Variants in SNTG2 observed in about 807,000 individuals in gnomAD.
The protein encoded by SNTG2 is syntrophin gamma 2.
SNTG2 carries 74 observed loss-of-function variants against 70.9 expected under a neutral mutation model. That is an observed-to-expected ratio of 1.04 (90% CI 0.86 to 1.27). The LOEUF (loss-of-function observed/expected upper bound fraction) is 1.27. Among genes scored for constraint, SNTG2 ranks in the 50% most tolerant of loss-of-function variants. The pLI is 0.00. For missense variants in SNTG2, 717 were observed against 690.7 expected (o/e 1.04, Z -0.43); for synonymous variants, 278 against 273.8 (o/e 1.02, Z -0.15).
intron 2 of SNTG2, among the ~76,000 whole-genome samples, chr2:1,090,742 A>C (rs1317796350): frequency 6.6e-6 from 1 of 152,096 alleles, no homozygotes; most frequent in South Asian, 2.1e-4. Flanking sequence ...GGCCGCATGC[A>C]CTGTGTGTTT....
intron 9 of SNTG2, among the ~76,000 whole-genome samples, chr2:1,215,852 G>C (rs1674356330): frequency 6.6e-6 from 1 of 151,972 alleles, no homozygotes; most frequent in South Asian, 2.1e-4. Context: ...ATGGTTTCCA[G>C]CTTCATCCAT....
At chr2:1,313,198 C>T (rs1681094198) in intron 15 of SNTG2, among the ~76,000 whole-genome samples, 1 of 152,298 alleles carries the variant, frequency 6.6e-6, no homozygotes, top group Middle Eastern at 3.4e-3. Flanking sequence ...AACCTGAAAC[C>T]ATCACAGTAA....
intron 1 of SNTG2, among the ~76,000 whole-genome samples, chr2:1,061,119 T>C (rs1162511445): frequency 6.6e-6 from 1 of 151,412 alleles, no homozygotes; most frequent in Non-Finnish European, 1.5e-5. Context: ...TCAAGAAAGG[T>C]AAACAAAGGG....
intron 1 of SNTG2, 50 bp from the exon 2 acceptor site, chr2:1,083,467 CT>C (rs1165862661): frequency 3.1e-6 from 5 of 1,607,482 alleles, no homozygotes; most frequent in South Asian, 2.2e-5. Flanking sequence ...ATCCCCACCC[CT>C]GGCTCCTGCC....
At chr2:1,116,494 CCTGGTGTGTGTGTGGT>C (rs1318989106) in intron 4 of SNTG2, among the ~76,000 whole-genome samples, 6 of 147,650 alleles carry the variant, frequency 4.1e-5, no homozygotes, top group Non-Finnish European at 7.5e-5. Context: ...GTATGGGTGC[CCTGGTGTGTGTGTGGT>C]CTGGTGTGTG....
At chr2:1,176,650 GAA>G (rs58207101) in intron 8 of SNTG2, among the ~76,000 whole-genome samples, 45,304 of 147,160 alleles carry the variant, frequency 0.31, 7,501 homozygotes, top group East Asian at 0.66. Context: ...AAATTTACAA[GAA>G]AAAAAAAAAC....
At chr2:1,042,879 T>G (rs1227092062) in intron 1 of SNTG2, among the ~76,000 whole-genome samples, 2 of 152,204 alleles carry the variant, frequency 1.3e-5, no homozygotes, top group Admixed American at 1.3e-4. Flanking sequence ...CCCTTGTGTA[T>G]ATACCTGGTA....
chr2:1,130,484 G>A (rs559038208), intron 4 of SNTG2, among the ~76,000 whole-genome samples: 107 of 152,246 alleles, frequency 7.0e-4, no homozygotes, highest in South Asian at 3.1e-3. Flanking sequence ...CTGTAACACT[G>A]CTGAAATTAT....
At chr2:1,026,038 G>A (rs1412412474) in intron 1 of SNTG2, among the ~76,000 whole-genome samples, 2 of 152,196 alleles carry the variant, frequency 1.3e-5, no homozygotes, top group Admixed American at 6.5e-5. Context: ...TTTGTTGCAT[G>A]TTTATAGAAG....
At chr2:1,045,555 G>T (rs1019515681) in intron 1 of SNTG2, among the ~76,000 whole-genome samples, 1 of 151,970 alleles carries the variant, frequency 6.6e-6, no homozygotes, top group Non-Finnish European at 1.5e-5. Flanking sequence ...CTTTAGCTTT[G>T]TCCCTGATTC....
At chr2:1,040,354 A>G (rs1383651611) in intron 1 of SNTG2, among the ~76,000 whole-genome samples, 2 of 152,046 alleles carry the variant, frequency 1.3e-5, no homozygotes, top group Non-Finnish European at 2.9e-5. Flanking sequence ...TCGCCTCCCT[A>G]TAGCCTAAAC....
At chr2:951,944 G>C (rs529467894) in intron 1 of SNTG2, among the ~76,000 whole-genome samples, 5 of 152,300 alleles carry the variant, frequency 3.3e-5, no homozygotes, top group African/African-American at 1.2e-4. Context: ...GGACAGTGGA[G>C]AGACGGTTCA....
intron 4 of SNTG2, among the ~76,000 whole-genome samples, chr2:1,118,678 T>C (rs1667191469): frequency 6.6e-6 from 1 of 150,496 alleles, no homozygotes; most frequent in Non-Finnish European, 1.5e-5. Flanking sequence ...AAAAAATCTG[T>C]GAACTTGAAG....
chr2:967,142 C>T (rs1011334747), intron 1 of SNTG2, among the ~76,000 whole-genome samples: 2 of 152,116 alleles, frequency 1.3e-5, no homozygotes, highest in African/African-American at 4.8e-5. Flanking sequence ...TTCAGGCAGA[C>T]CAGGGACAGG....
chr2:1,315,841 A>G (rs764326614), intron 15 of SNTG2, among the ~76,000 whole-genome samples: 1 of 152,154 alleles, frequency 6.6e-6, no homozygotes, highest in Non-Finnish European at 1.5e-5. Flanking sequence ...ACTATGTCTT[A>G]TATAATATAG....
chr2:1,055,891 C>T (rs560636816), intron 1 of SNTG2, among the ~76,000 whole-genome samples: 4 of 152,202 alleles, frequency 2.6e-5, no homozygotes, highest in East Asian at 3.9e-4. Flanking sequence ...GGCTGGGGCA[C>T]GACTGAATGC....
chr2:1,114,314 C>T (rs370816881), intron 4 of SNTG2, among the ~76,000 whole-genome samples: 5 of 151,038 alleles, frequency 3.3e-5, no homozygotes, highest in African/African-American at 7.3e-5. Flanking sequence ...TGAGAAGGAT[C>T]GTGTGTACTA....
chr2:1,318,884 C>A (rs1276956160), intron 16 of SNTG2, among the ~76,000 whole-genome samples: 6 of 152,190 alleles, frequency 3.9e-5, no homozygotes, highest in African/African-American at 1.2e-4. Context: ...TTCACGCCTG[C>A]GGTGTCCCCG....
Position 1,259,376 on chromosome 2 carries a change from A to C in SNTG2, c.1012A>C (p.Thr338Pro). The C allele has an allele frequency of 6.2e-7, 1 of 1,614,000 alleles. No homozygotes were observed. The highest frequency in any genetic ancestry group is 8.5e-7 in the Non-Finnish European group (1 of 1,179,870). ...FYVFSTPPVS[T>P]FDWVRAERTY... ...CGTTCTCTGTTTCTTGCAGGTGAGC[A>C]CATTCGATTGGGTGCGAGCAGAAAG... Residue 338 changes from threonine to proline, a missense_variant, in exon 13 of 17, where the codon ACA becomes CCA. Thr to Pro is a conservative substitution (Grantham distance 38, BLOSUM62 -1). Transcript: ENST00000308624.
Sources: allele counts gnomAD v4.1 joint callset (sites outside exome capture counted in the v4.1 genomes callset), GRCh38; gene constraint gnomAD v4.1.1; transcripts MANE v1.5; gene names NCBI Gene and HGNC (gene_info 2026-07-23, HGNC 2026-07-21).